The following NPC1L1 variants were observed in gnomAD, a reference collection of about 807,000 sequenced individuals.
The protein encoded by NPC1L1 is NPC1 like intracellular cholesterol transporter 1.
In NPC1L1, 98 loss-of-function variants were observed where a neutral mutation model predicts 117.0. The ratio of observed to expected loss-of-function variants is 0.84; its 90% CI spans 0.71 to 0.99. NPC1L1 has a LOEUF of 0.99. NPC1L1 is among the 50% of genes least tolerant of loss of function. The pLI is 0.00. For synonymous variants in NPC1L1, 729 were observed against 727.6 expected (o/e 1.00, Z -0.03); for missense variants, 1,540 against 1,710.0 (o/e 0.90, Z 1.75).
At position 44,522,075 on chromosome 7, in the gene NPC1L1, C is replaced by T. The variant is rs553016615; in HGVS notation, c.2805G>A (p.Gln935=). The T allele has an allele frequency of 5.3e-5, 86 of 1,613,984 alleles. 1 individual carries two copies. In the South Asian group the frequency reaches 8.6e-4, roughly 16 times the overall value. ...CNNFSFTQKI[Q]YATEFPEQSY... Reference sequence around the variant, plus strand: ...ACTGCTCAGGGAACTCTGTGGCATACTGGATCTTCTGGGTGAAGGAGAAGT... The same window carrying T: ...ACTGCTCAGGGAACTCTGTGGCATATTGGATCTTCTGGGTGAAGGAGAAGT... The change falls in exon 11 of 19, where the codon CAG becomes CAA. Residue 935 remains glutamine, a synonymous_variant. Coordinates refer to ENST00000381160, the MANE Select transcript of NPC1L1 (RefSeq NM_001101648.2).
rs564228764 is a variant in NPC1L1 at position 44,516,675 on chromosome 7, C to T, written c.3519+28G>A. ...GATCCCCAACCACCCCTCCAGAGGC[C>T]CCCTGGTGCCTGTGTCTGCTGGGTT... is the stretch of plus-strand genomic sequence containing the variant. On this transcript the variant is annotated intron_variant, in intron 16 of 18. Transcript: ENST00000381160. The T allele has an allele frequency of 3.9e-5, 61 of 1,561,726 alleles. No homozygotes were observed. In the East Asian group the frequency reaches 1.4e-3, roughly 36 times the overall value.
chr7:44,516,614 G>C, intron 16 of NPC1L1, 89 bp downstream of exon 16: 1 of 1,109,688 alleles, frequency 9.0e-7, no homozygotes. Context: ...TCTAAAAAAA[G>C]AAACAAAAAA....
chr7:44,526,335 G>A (rs947025777), intron 10 of NPC1L1, among the ~76,000 whole-genome samples: 2 of 151,750 alleles, frequency 1.3e-5, no homozygotes, highest in African/African-American at 4.8e-5. Context: ...GATTATTTGA[G>A]GCCAGGAGTT....
intron 10 of NPC1L1, among the ~76,000 whole-genome samples, chr7:44,527,343 A>G (rs895306337): frequency 6.6e-6 from 1 of 150,502 alleles, no homozygotes; most frequent in Non-Finnish European, 1.5e-5. Context: ...CTGTAATCCC[A>G]GTACTCGGGG....
chr7:44,527,750 C>T (rs1425041260), intron 10 of NPC1L1, among the ~76,000 whole-genome samples: 1 of 152,044 alleles, frequency 6.6e-6, no homozygotes, highest in East Asian at 1.9e-4. Flanking sequence ...ATTTATAACT[C>T]CACCTTTTTG....
Position 44,516,751 on chromosome 7 carries a change from G to T in NPC1L1, c.3471C>A (p.Ala1157=), listed in dbSNP as rs1801196740. ...MILVDTVGFM[A]LWGISYNAVS... Reference sequence around the variant, plus strand: ...CAGCATTGTAACTGATGCCCCACAGGGCCATGAAGCCGACAGTGTCCACGA... The same window carrying T: ...CAGCATTGTAACTGATGCCCCACAGTGCCATGAAGCCGACAGTGTCCACGA... Residue 1157 remains alanine (A), a synonymous_variant, in exon 16 of 19, where the codon GCC becomes GCA. Coordinates refer to ENST00000381160, the MANE Select transcript of NPC1L1 (RefSeq NM_001101648.2). 3 of 1,613,448 alleles carry T rather than the reference G, an allele frequency of 1.9e-6. No individual in the cohort carries two copies. Among genetic ancestry groups the T allele is most frequent in the Non-Finnish European group, 2.5e-6 (3 of 1,179,848 alleles).
In NPC1L1 at chr7:44,515,805, A is replaced by G. The variant is rs765571142; in HGVS notation, c.3794T>C (p.Val1265Ala). The G allele has an allele frequency of 6.2e-7, 1 of 1,614,134 alleles. No individual in the cohort carries two copies. Among genetic ancestry groups the G allele is most frequent in the South Asian group, 1.1e-5 (1 of 91,086 alleles). Reference protein sequence around the residue: ...LVFLPVILSYVGPDVNPALAL... With the variant: ...LVFLPVILSYAGPDVNPALAL... ...TAGGAACAGGCCTGGGCACTCACCC[A>G]CGTAGCTGAGGATGACGGGCAGGAA... Residue 1265 changes from valine (V) to alanine (A), a missense_variant and splice_region_variant, in exon 18 of 19, where the codon GTG becomes GCG. Transcript: ENST00000381160.
intron 14 of NPC1L1, among the ~76,000 whole-genome samples, chr7:44,518,941 T>TCTTTCTTTCTTTTTCTTC (rs1801273590): frequency 6.6e-6 from 1 of 152,202 alleles, no homozygotes; most frequent in African/African-American, 2.4e-5. Context: ...TCTTTTTCTT[T>TCTTTCTTTCTTTTTCTTC]CTTTCTTTCT....
intron 14 of NPC1L1, among the ~76,000 whole-genome samples, chr7:44,520,137 A>C (rs1801309155): frequency 6.6e-6 from 1 of 152,078 alleles, no homozygotes; most frequent in African/African-American, 2.4e-5. Flanking sequence ...AAAATTACCC[A>C]GACATGATGG....
Position 44,516,154 on chromosome 7 carries a change from G to A in NPC1L1, c.3563C>T (p.Ser1188Phe). ...GGTGGGCTTGGTGCTGATGGCAAAG[G>A]AGCGGGTAATGTGGGACACAAACTC... Reference protein sequence around the residue: ...SVEFVSHITRSFAISTKPTWL... With the variant: ...SVEFVSHITRFFAISTKPTWL... Residue 1188 changes from serine (S) to phenylalanine (F), a missense_variant, in exon 17 of 19, where the codon TCC becomes TTC. Transcript: ENST00000381160. 6.2e-7 allele frequency: 1 copy of A among 1,612,264 alleles called. No homozygotes were observed. Among genetic ancestry groups the A allele is most frequent in the Non-Finnish European group, 8.5e-7 (1 of 1,179,226 alleles).
chr7:44,526,968 G>A (rs1223372379), intron 10 of NPC1L1, among the ~76,000 whole-genome samples: 2 of 152,142 alleles, frequency 1.3e-5, no homozygotes, highest in Non-Finnish European at 2.9e-5. Flanking sequence ...AGGTTGCAGT[G>A]AGCTGAGATC....
At position 44,536,459 on chromosome 7, in the gene NPC1L1, C is replaced by T. The variant is rs775266091; in HGVS notation, c.1682-31G>A. On this transcript the variant is annotated intron_variant, in intron 3 of 18. Coordinates refer to ENST00000381160, the MANE Select transcript of NPC1L1 (RefSeq NM_001101648.2). This position sits in a 1 kb window ranked among gnomAD's most constrained non-coding sequence, Gnocchi z 4.7. Reference sequence around the variant, plus strand: ...ATAAGAAATACTCAGACCCTTCCTGCTGCACCCGTGCCTCCCTCCCCCTCC... The same window carrying T: ...ATAAGAAATACTCAGACCCTTCCTGTTGCACCCGTGCCTCCCTCCCCCTCC... The T allele has an allele frequency of 6.2e-7, 1 of 1,604,040 alleles. No individual in the cohort carries two copies. Among genetic ancestry groups the T allele is most frequent in the East Asian group, 2.2e-5 (1 of 44,870 alleles).
At chr7:44,532,941 T>C (rs1801749272) in intron 8 of NPC1L1, among the ~76,000 whole-genome samples, 1 of 152,056 alleles carries the variant, frequency 6.6e-6, no homozygotes, top group Non-Finnish European at 1.5e-5. Flanking sequence ...CCATCTCTAT[T>C]AAAAACACAA....
chr7:44,518,113 C>CAAA (rs113705525), intron 14 of NPC1L1, among the ~76,000 whole-genome samples: 6,793 of 136,106 alleles, frequency 0.05, 222 homozygotes, highest in African/African-American at 0.098. Context: ...GATCCCATCT[C>CAAA]AAAAAAAAAA....
intron 10 of NPC1L1, among the ~76,000 whole-genome samples, chr7:44,528,358 A>G (rs1018889627): frequency 6.6e-6 from 1 of 152,146 alleles, no homozygotes; most frequent in African/African-American, 2.4e-5. Flanking sequence ...TCTTGCCTCC[A>G]CCTCTCAAAG....
chr7:44,524,399 T>G (rs141406249), intron 10 of NPC1L1, among the ~76,000 whole-genome samples: 12 of 152,100 alleles, frequency 7.9e-5, no homozygotes, highest in African/African-American at 2.9e-4. Context: ...GGGAAAATAT[T>G]AACCAACAGA....
At chr7:44,537,090 A>C (rs914631975) in intron 2 of NPC1L1, 148 bp from the exon 3 acceptor site, 7 of 649,956 alleles carry the variant, frequency 1.1e-5, no homozygotes, top group Non-Finnish European at 1.9e-5. Flanking sequence ...TAGCCCAGCT[A>C]TCTGCATTTA....
rs1801910025 is a variant in NPC1L1 at position 44,536,807 on chromosome 7, T to C, written c.1681+35A>G. Reference sequence around the variant, plus strand: ...ATGGTTCCTGCCCCAATACTGCATCTTCCTTGGCTTCCTCTCAGGGCCCAC... The same window carrying C: ...ATGGTTCCTGCCCCAATACTGCATCCTCCTTGGCTTCCTCTCAGGGCCCAC... On this transcript the variant is annotated intron_variant, in intron 3 of 18. Transcript: ENST00000381160. The surrounding 1 kb of genome is among the most constrained non-coding windows in gnomAD (Gnocchi z 4.7). 1 of 1,557,256 alleles carries C rather than the reference T, an allele frequency of 6.4e-7. No homozygotes were observed. The highest frequency in any genetic ancestry group is 8.9e-7 in the Non-Finnish European group (1 of 1,128,502).
In NPC1L1 at chr7:44,536,167, G is replaced by C; in HGVS notation, c.1854+89C>G. 6.3e-7 allele frequency: 1 copy of C among 1,589,704 alleles called. No homozygotes were observed. ...GGCAGCCACTGCCCAGGGTCACTTA[G>C]GAAGGGCCAGGGCCAGGATGGGGAC... On this transcript the variant is annotated intron_variant, in intron 4 of 18. Transcript: ENST00000381160. The surrounding 1 kb of genome is among the most constrained non-coding windows in gnomAD (Gnocchi z 4.7).
Sources: gnomAD v4.1 joint callset for allele counts (sites outside exome capture counted in the v4.1 genomes callset) on GRCh38, gnomAD v4.1.1 for gene constraint, Gnocchi (gnomAD v3.1) non-coding constraint, MANE v1.5 for transcripts, NCBI Gene and HGNC (gene_info 2026-07-23, HGNC 2026-07-21) for gene names.